Variants in RAB37 observed in about 807,000 individuals in gnomAD.
RAB37 encodes RAB37, member RAS oncogene family.
Under a neutral mutation model 33.1 loss-of-function variants are expected in RAB37, and 29 were observed. The ratio of observed to expected loss-of-function variants is 0.88; its 90% confidence interval spans 0.65 to 1.20. The LOEUF (loss-of-function observed/expected upper bound fraction) is 1.20. RAB37 is among the 50% of genes most tolerant of loss of function. RAB37 has a pLI of 0.00. For missense variants in RAB37, 299 were observed against 301.1 expected, an observed-to-expected ratio of 0.99 and a Z score of 0.05; for synonymous variants, 128 against 119.5, an observed-to-expected ratio of 1.07 and a Z score of -0.47.
At chr17:74,722,050 C>A (rs1261862699) in intron 1 of RAB37, among the ~76,000 whole-genome samples, 1 of 152,074 alleles carries the variant, frequency 6.6e-6, no homozygotes, top group Non-Finnish European at 1.5e-5. Flanking sequence ...AATCCCAGCA[C>A]TTTGGGAGGC....
At chr17:74,678,283 G>T (rs1473984002) in intron 1 of RAB37, among the ~76,000 whole-genome samples, 1 of 152,098 alleles carries the variant, frequency 6.6e-6, no homozygotes, top group African/African-American at 2.4e-5. Flanking sequence ...AAGAGAGACA[G>T]CTCCAAGCAA....
chr17:74,704,583 C>T, intron 1 of RAB37: 1 of 1,614,208 alleles, frequency 6.2e-7, no homozygotes, highest in Non-Finnish European at 8.5e-7. Flanking sequence ...TCCATGGTCA[C>T]AGTGAACGTG....
chr17:74,703,760 G>C (rs1381883254), intron 1 of RAB37, among the ~76,000 whole-genome samples: 1 of 152,198 alleles, frequency 6.6e-6, no homozygotes, highest in African/African-American at 2.4e-5. Flanking sequence ...CATGCCACAA[G>C]GGCCCTCGAG....
At position 74,732,042 on chromosome 17, in the gene RAB37, C is replaced by T. The variant is rs2034391023; in HGVS notation, c.183+2676C>T. On this transcript the variant is annotated intron_variant, in intron 2 of 7. Transcript: ENST00000340415. ...CAACAACAAAAAAAAAAAAACACCT[C>T]ACTCTGCTCATCCCCCACCTGAACA... Among the ~76,000 whole-genome samples the T allele has an allele frequency of 2.6e-5, 4 of 151,792 alleles. 1 individual carries two copies. In the South Asian group the frequency reaches 6.2e-4, roughly 24 times the overall value.
chr17:74,692,105 A>G (rs1346715311), intron 1 of RAB37, among the ~76,000 whole-genome samples: 4 of 152,044 alleles, frequency 2.6e-5, no homozygotes, highest in Non-Finnish European at 5.9e-5. Flanking sequence ...TGACCTTGTG[A>G]TCCGCCCACC....
intron 1 of RAB37, among the ~76,000 whole-genome samples, chr17:74,701,964 G>A (rs180765495): frequency 6.6e-6 from 1 of 151,944 alleles, no homozygotes; most frequent in Admixed American, 6.6e-5. Context: ...AGAGGTTGCA[G>A]TGAGCCAAGA....
At chr17:74,675,313 C>T (rs565331199) in intron 1 of RAB37, among the ~76,000 whole-genome samples, 208 of 151,742 alleles carry the variant, frequency 1.4e-3, no homozygotes, top group African/African-American at 4.8e-3. Flanking sequence ...CATGCACCTG[C>T]AGTCCCAGCT....
chr17:74,744,490 C>G lies in RAB37; in HGVS notation c.432+117C>G. 1.0e-6 allele frequency: 1 copy of G among 968,524 alleles called. No individual in the cohort carries two copies. The allele number at this position is 968,524 out of a possible 1,614,324, so 60.0% of individuals were successfully genotyped here. A position where few individuals can be genotyped will look rare whatever the true frequency, so the allele number is the denominator to read the frequency against. On this transcript the variant is annotated intron_variant, in intron 6 of 8. Coordinates refer to ENST00000392613, the MANE Select transcript of RAB37 (RefSeq NM_001006638.3). This position sits in a 1 kb window ranked among gnomAD's most constrained non-coding sequence, Gnocchi z 4.2. ...CTTCCTGAAAAGGACTCTGCAGCCT[C>G]CAGCTCAGGGGTCAGACATATCTGG...
intron 1 of RAB37, chr17:74,695,100 G>A (rs1262086477): frequency 1.2e-6 from 2 of 1,613,516 alleles, no homozygotes; most frequent in Non-Finnish European, 1.7e-6. Flanking sequence ...TGCAGGCTAA[G>A]GCCTGCTGAT....
At chr17:74,724,589 C>T (rs2121646) in intron 1 of RAB37, among the ~76,000 whole-genome samples, 90,485 of 152,104 alleles carry the variant, frequency 0.59, 32,361 homozygotes, top group Non-Finnish European at 0.81. Flanking sequence ...CAGGCTGAAT[C>T]CGAAAAGAGA....
chr17:74,736,354 G>T (rs1424969615), upstream of RAB37, among the ~76,000 whole-genome samples: 2 of 152,152 alleles, frequency 1.3e-5, no homozygotes, highest in Non-Finnish European at 2.9e-5. Context: ...TAATTGAAAG[G>T]TCGGCCCAGG....
intron 2 of RAB37, among the ~76,000 whole-genome samples, chr17:74,741,249 G>A (rs12952961): frequency 2.0e-5 from 3 of 152,110 alleles, no homozygotes; most frequent in Non-Finnish European, 4.4e-5. Context: ...AGGTCAATCA[G>A]TCTTTCTGGA....
At chr17:74,724,466 T>C (rs1463054402) in intron 1 of RAB37, among the ~76,000 whole-genome samples, 1 of 152,220 alleles carries the variant, frequency 6.6e-6, no homozygotes, top group Non-Finnish European at 1.5e-5. Context: ...CTTAGTGATT[T>C]TGGGGGCCTA....
In RAB37 at chr17:74,738,623, C is replaced by T. The variant is rs778222499; in HGVS notation, c.93+1258C>T. ...GTACACAAAGACTGGCCCTCCCTCCCTCCTTCCTGCTCCAGGGCTGGGACC... is the reference window on the plus strand; with the variant it reads ...GTACACAAAGACTGGCCCTCCCTCCTTCCTTCCTGCTCCAGGGCTGGGACC... On this transcript the variant is annotated intron_variant, in intron 1 of 8. Transcript: ENST00000392613. The surrounding 1 kb of genome is among the most constrained non-coding windows in gnomAD (Gnocchi z 5.0). Among the ~76,000 whole-genome samples, 1 of 152,216 alleles carries T rather than the reference C, an allele frequency of 6.6e-6. No individual in the cohort carries two copies. Among genetic ancestry groups the T allele is most frequent in the Non-Finnish European group, 1.5e-5 (1 of 68,032 alleles).
At chr17:74,707,025 A>G (rs2033577644) in intron 1 of RAB37, among the ~76,000 whole-genome samples, 1 of 152,248 alleles carries the variant, frequency 6.6e-6, no homozygotes, top group Non-Finnish European at 1.5e-5. Context: ...CCTGAAACTT[A>G]AATCTCTCAG....
chr17:74,747,272 T>A lies in RAB37; in HGVS notation c.*1861T>A, dbSNP rs770001889. The stretch of plus-strand genomic sequence containing the variant: ...GCAGGTTGCAGGAGATCCAATCCCA[T>A]AGACAGCTCTGGGCCTCTTGCATTT... On this transcript the variant is annotated 3_prime_UTR_variant, in exon 9 of 9. Transcript: ENST00000392613. 6.6e-6 allele frequency: 1 copy of A among 150,994 alleles called. No homozygotes were observed. The highest frequency in any genetic ancestry group is 2.0e-4 in the East Asian group (1 of 5,058). The allele number at this position is 150,994 out of a possible 1,614,324, so 9.4% of individuals were successfully genotyped here.
Position 74,745,222 on chromosome 17 carries a change from G to A in RAB37, c.567-84G>A, listed in dbSNP as rs1357706328. ...AGGTCCATTTGCTCTGGGAGCACTG[G>A]GCCACTGGGAGAGGGGAGGGGGCGG... On this transcript the variant is annotated intron_variant, in intron 8 of 8. Coordinates refer to ENST00000392613, the MANE Select transcript of RAB37 (RefSeq NM_001006638.3). This position sits in a 1 kb window ranked among gnomAD's most constrained non-coding sequence, Gnocchi z 4.5. 3 of 1,537,992 alleles carry A rather than the reference G, an allele frequency of 2.0e-6. No homozygotes were observed. Among genetic ancestry groups the A allele is most frequent in the Non-Finnish European group, 1.8e-6 (2 of 1,112,380 alleles).
chr17:74,736,495 T>C (rs1416418846), upstream of RAB37: 19 of 1,401,390 alleles, frequency 1.4e-5, no homozygotes, highest in Non-Finnish European at 1.7e-5. Context: ...ATGAATTTAT[T>C]TGGCTCCTCC....
chr17:74,705,024 T>TC (rs776451700), intron 1 of RAB37, among the ~76,000 whole-genome samples: 1 of 151,958 alleles, frequency 6.6e-6, no homozygotes, highest in African/African-American at 2.4e-5. Context: ...CAACAACGGA[T>TC]CCCCCCAAAA....
Sources: allele counts gnomAD v4.1 joint callset (sites outside exome capture counted in the v4.1 genomes callset), GRCh38; gene constraint gnomAD v4.1.1; non-coding constraint Gnocchi (gnomAD v3.1); transcripts MANE v1.5; gene names NCBI Gene and HGNC (gene_info 2026-07-23, HGNC 2026-07-21).